Variants in PAK2 observed in about 807,000 individuals in gnomAD.
The protein encoded by PAK2 is p21 (RAC1) activated kinase 2, also known as serine/threonine-protein kinase PAK 2.
PAK2 carries 21 observed loss-of-function variants against 65.9 expected under a neutral mutation model. That is an observed-to-expected ratio of 0.32 (90% CI 0.23 to 0.46). PAK2 has a LOEUF of 0.46. Among genes scored for constraint, PAK2 ranks in the 20% least tolerant of loss-of-function variants. PAK2 has a pLI of 1.00. For missense variants in PAK2, 324 were observed against 642.6 expected, an observed-to-expected ratio of 0.50 and a Z score of 5.36; for synonymous variants, 204 against 219.7, an observed-to-expected ratio of 0.93 and a Z score of 0.63.
intron 6 of PAK2, among the ~76,000 whole-genome samples, chr3:196,807,002 A>G (rs1715606545): frequency 6.6e-6 from 1 of 152,196 alleles, no homozygotes; most frequent in Non-Finnish European, 1.5e-5. Flanking sequence ...GATGACGACT[A>G]AATCTAAAAC....
intron 1 of PAK2, among the ~76,000 whole-genome samples, chr3:196,765,699 C>G (rs1260600372): frequency 6.6e-6 from 1 of 152,096 alleles, no homozygotes; most frequent in Non-Finnish European, 1.5e-5. Flanking sequence ...ACAGGTATTA[C>G]TCCATTATAT....
In PAK2 at chr3:196,832,491, G is replaced by A. The variant is rs536301982; in HGVS notation, c.*4086G>A. 2 of 152,150 alleles carry A rather than the reference G, an allele frequency of 1.3e-5. No homozygotes were observed. Among genetic ancestry groups the A allele is most frequent in the East Asian group, 3.9e-4 (2 of 5,186 alleles). 9.4% of individuals were successfully genotyped at this position (152,150 alleles called of 1,614,324 possible). A position where few individuals can be genotyped will look rare whatever the true frequency, so the allele number is the denominator to read the frequency against. On this transcript the variant is annotated 3_prime_UTR_variant, in exon 15 of 15. Coordinates refer to ENST00000327134, the MANE Select transcript of PAK2 (RefSeq NM_002577.4). ...TAGAAATAAACTTTTTAAAAAAAGT[G>A]TGCATTTTTCCCTTTCCTAAACTTT...
chr3:196,812,692 A>T, intron 9 of PAK2, 47 bp from the exon 10 acceptor site: 1 of 848,898 alleles, frequency 1.2e-6, no homozygotes, highest in East Asian at 2.5e-5. Context: ...GTAATTTTCT[A>T]AGAGAATTCC....
chr3:196,757,576 A>G (rs759888370), intron 1 of PAK2, among the ~76,000 whole-genome samples: 1 of 151,850 alleles, frequency 6.6e-6, no homozygotes, highest in Non-Finnish European at 1.5e-5. Flanking sequence ...TACTTTTATT[A>G]TATAAGAATA....
At chr3:196,759,498 G>GTTTTTGTTTTT (rs1713882169) in intron 1 of PAK2, among the ~76,000 whole-genome samples, 1 of 108,116 alleles carries the variant, frequency 9.2e-6, no homozygotes, top group Non-Finnish European at 1.8e-5. Flanking sequence ...GGTTTTTTTT[G>GTTTTTGTTTTT]TTTTTTTTTT....
intron 1 of PAK2, among the ~76,000 whole-genome samples, chr3:196,761,917 G>A (rs1422963001): frequency 3.5e-5 from 5 of 143,518 alleles, no homozygotes; most frequent in Admixed American, 6.9e-5. Context: ...GCTGCCGGGC[G>A]GAGAGGCTCC....
chr3:196,800,597 A>T (rs1340490474), intron 2 of PAK2, among the ~76,000 whole-genome samples: 1 of 152,194 alleles, frequency 6.6e-6, no homozygotes. Context: ...GTATTACAAA[A>T]TGGCAATAAA....
At position 196,806,715 on chromosome 3, in the gene PAK2, G is replaced by A. The variant is rs1715597108; in HGVS notation, c.576+29G>A. 2.5e-6 allele frequency: 3 copies of A among 1,200,192 alleles called. No homozygotes were observed. In the South Asian group the frequency reaches 3.7e-5, roughly 15 times the overall value. The allele number at this position is 1,200,192 out of a possible 1,614,324, so 74.3% of individuals were successfully genotyped here. A position where few individuals can be genotyped will look rare whatever the true frequency, so the allele number is the denominator to read the frequency against. ...AGTCTCCATCGGTGATCTAGGCTGT[G>A]TGTGTGCACGTGTGTTTTAAAAAAT... is the stretch of plus-strand genomic sequence containing the variant. On this transcript the variant is annotated intron_variant, in intron 6 of 14. Coordinates refer to ENST00000327134, the MANE Select transcript of PAK2 (RefSeq NM_002577.4).
intron 13 of PAK2, among the ~76,000 whole-genome samples, chr3:196,826,667 A>G (rs532909603): frequency 3.9e-5 from 6 of 152,102 alleles, no homozygotes; most frequent in African/African-American, 9.6e-5. Context: ...CACACCTGCA[A>G]TCCAGCACTT....
Position 196,740,141 on chromosome 3 carries a change from ACCTTG to A in PAK2, c.-30_-26del, listed in dbSNP as rs948675992. The A allele has an allele frequency of 4.7e-5, 7 of 148,822 alleles. No individual in the cohort carries two copies. Among genetic ancestry groups the A allele is most frequent in the African/African-American group, 1.7e-4 (7 of 40,196 alleles). 9.2% of individuals were successfully genotyped at this position (148,822 alleles called of 1,614,324 possible). On this transcript the variant is annotated 5_prime_UTR_variant, in exon 1 of 15. Coordinates refer to ENST00000327134, the MANE Select transcript of PAK2 (RefSeq NM_002577.4). ...ACCGAGGCGCCTCGCTGGGGCGGGGACCTTGCCTTGCCCGGGGTAAGTGCACACAG... is the reference window on the plus strand; with the variant it reads ...ACCGAGGCGCCTCGCTGGGGCGGGGACCTTGCCCGGGGTAAGTGCACACAG...
chr3:196,832,522 TTTC>T lies in PAK2; in HGVS notation c.*4120_*4122del, dbSNP rs1190720002. ...TTTTCCCTTTCCTAAACTTTTATTCTTTCTTTTGATCAGCGTAAAAGAATATTT... is the reference window on the plus strand; with the variant it reads ...TTTTCCCTTTCCTAAACTTTTATTCTTTTTGATCAGCGTAAAAGAATATTT... On this transcript the variant is annotated 3_prime_UTR_variant, in exon 15 of 15. Transcript: ENST00000327134. 2.0e-5 allele frequency: 3 copies of T among 152,150 alleles called. No homozygotes were observed. The highest frequency in any genetic ancestry group is 4.4e-5 in the Non-Finnish European group (3 of 68,020). 9.4% of individuals were successfully genotyped at this position (152,150 alleles called of 1,614,324 possible). A position where few individuals can be genotyped will look rare whatever the true frequency, so the allele number is the denominator to read the frequency against.
chr3:196,823,690 C>T (rs1046739063), intron 13 of PAK2, among the ~76,000 whole-genome samples: 1 of 151,504 alleles, frequency 6.6e-6, no homozygotes, highest in African/African-American at 2.4e-5. Context: ...GATGAAACCT[C>T]GTCTCTACTA....
chr3:196,811,202 C>A lies in PAK2; in HGVS notation c.773+549C>A, dbSNP rs1052889372. On this transcript the variant is annotated intron_variant, in intron 8 of 14. Transcript: ENST00000327134. ...AAACTTCCATATGAATTCCTTCCTCCCTTCCTTCCCTTCCCTCCCTCCCTT... is the reference window on the plus strand; with the variant it reads ...AAACTTCCATATGAATTCCTTCCTCACTTCCTTCCCTTCCCTCCCTCCCTT... 4.5e-4 allele frequency among the ~76,000 whole-genome samples: 23 copies of A among 51,056 alleles called. 2 individuals carry two copies. Among genetic ancestry groups the A allele is most frequent in the African/African-American group, 1.7e-3 (22 of 12,804 alleles). The allele number at this position is 51,056 out of a possible 152,430, so 33.5% of individuals were successfully genotyped here. A position where few individuals can be genotyped will look rare whatever the true frequency, so the allele number is the denominator to read the frequency against.
chr3:196,808,406 C>T (rs553628003), intron 7 of PAK2, among the ~76,000 whole-genome samples: 2 of 150,900 alleles, frequency 1.3e-5, no homozygotes, highest in African/African-American at 4.9e-5. Context: ...ACTAAAAATA[C>T]AAAAATCAGC....
At chr3:196,758,960 G>A (rs147195040) in intron 1 of PAK2, among the ~76,000 whole-genome samples, 1,583 of 152,216 alleles carry the variant, frequency 0.01, 17 homozygotes, top group Non-Finnish European at 0.018. Flanking sequence ...ACCCGTCCAA[G>A]GATGTTAATT....
At chr3:196,749,778 T>A (rs1341347334) in intron 1 of PAK2, among the ~76,000 whole-genome samples, 1 of 152,150 alleles carries the variant, frequency 6.6e-6, no homozygotes, top group African/African-American at 2.4e-5. Context: ...CATGTTATCA[T>A]TGTTTTGGAT....
chr3:196,759,525 T>TTTTTTTTTTTTTTTTTTTTTG (rs1560092904), intron 1 of PAK2, among the ~76,000 whole-genome samples: 2 of 131,690 alleles, frequency 1.5e-5, no homozygotes, highest in Non-Finnish European at 3.2e-5. Context: ...TTTTTTTTTT[T>TTTTTTTTTTTTTTTTTTTTTG]TTTTTTTTTT....
chr3:196,796,223 A>G (rs527683096), intron 2 of PAK2, among the ~76,000 whole-genome samples: 4 of 150,928 alleles, frequency 2.7e-5, no homozygotes, highest in Non-Finnish European at 5.9e-5. Flanking sequence ...TCTTATCTAA[A>G]TTTCTTTGAA....
At chr3:196,771,777 C>T (rs144370477) in intron 1 of PAK2, among the ~76,000 whole-genome samples, 3 of 152,180 alleles carry the variant, frequency 2.0e-5, no homozygotes, top group South Asian at 2.1e-4. Flanking sequence ...AGGCTGGTCT[C>T]GAACTCCCGA....
Sources: allele counts gnomAD v4.1 joint callset (sites outside exome capture counted in the v4.1 genomes callset), GRCh38; gene constraint gnomAD v4.1.1; transcripts MANE v1.5; gene names NCBI Gene and HGNC (gene_info 2026-07-23, HGNC 2026-07-21).